The following RNLS variants were observed in gnomAD, a reference collection of about 807,000 sequenced individuals.
RNLS encodes renalase, FAD dependent amine oxidase.
A neutral mutation model predicts 39.8 loss-of-function variants in RNLS; 39 were observed. That is an observed-to-expected ratio of 0.98 (90% CI 0.76 to 1.28). The LOEUF is 1.28. Among genes scored for constraint, RNLS ranks in the 50% most tolerant of loss-of-function variants. The pLI is 0.00. For synonymous variants in RNLS, 147 were observed against 150.7 expected (o/e 0.98, Z 0.18); for missense variants, 410 against 413.3 (o/e 0.99, Z 0.07).
At chr10:88,275,099 TA>T in intron 6 of RNLS, 1 of 1,145,060 alleles carries the variant, frequency 8.7e-7, no homozygotes, top group East Asian at 2.4e-5. Context: ...ACACCTTGTC[TA>T]CACTAATAGT....
At chr10:88,257,159 A>C in the RNLS span, among the ~76,000 whole-genome samples, 2 of 152,074 alleles carry the variant, frequency 1.3e-5, no homozygotes, top group Non-Finnish European at 2.9e-5. Context: ...TCAGTTCTTT[A>C]TTTACTCAAC....
At chr10:88,360,707 G>C (rs973833156) in intron 5 of RNLS, among the ~76,000 whole-genome samples, 11 of 152,030 alleles carry the variant, frequency 7.2e-5, no homozygotes, top group Non-Finnish European at 1.6e-4. Context: ...AGATTTCCTT[G>C]ATTCTTAGAA....
intron 4 of RNLS, among the ~76,000 whole-genome samples, chr10:88,484,774 C>A (rs1052420310): frequency 1.3e-5 from 2 of 151,802 alleles, no homozygotes; most frequent in Non-Finnish European, 2.9e-5. Context: ...ATAGCACACC[C>A]TTAAATTTAT....
chr10:88,522,813 A>G (rs1846839180), intron 4 of RNLS, among the ~76,000 whole-genome samples: 1 of 152,166 alleles, frequency 6.6e-6, no homozygotes, highest in Non-Finnish European at 1.5e-5. Flanking sequence ...GCAAATAACA[A>G]TCTTCAAATA....
At chr10:88,277,554 T>G (rs1011718386) in intron 6 of RNLS, among the ~76,000 whole-genome samples, 4 of 152,216 alleles carry the variant, frequency 2.6e-5, no homozygotes, top group Non-Finnish European at 4.4e-5. Flanking sequence ...TTGCTTTGAT[T>G]ATTTTGGCAT....
intron 4 of RNLS, among the ~76,000 whole-genome samples, chr10:88,565,277 A>G (rs547616360): frequency 5.9e-5 from 9 of 152,300 alleles, no homozygotes; most frequent in African/African-American, 2.2e-4. Flanking sequence ...TTCACACACT[A>G]GATGGCAATA....
Position 88,427,020 on chromosome 10 carries a change from T to A in RNLS, c.527-64295A>T, listed in dbSNP as rs115866068. On this transcript the variant is annotated intron_variant, in intron 4 of 6. Coordinates refer to ENST00000331772, the MANE Select transcript of RNLS (RefSeq NM_001031709.3). ...CTTTTAGTAACTAATAAAAACAGTA[T>A]CTAATATTGATTAAGCATCTATATG... is the stretch of plus-strand genomic sequence containing the variant. Among the ~76,000 whole-genome samples the A allele has an allele frequency of 6.1e-3, 923 of 152,130 alleles. 11 individuals are homozygous for A. Among genetic ancestry groups the A allele is most frequent in the African/African-American group, 0.021 (871 of 41,502 alleles).
chr10:88,353,631 C>T (rs1848910449), intron 5 of RNLS, among the ~76,000 whole-genome samples: 1 of 152,264 alleles, frequency 6.6e-6, no homozygotes, highest in East Asian at 1.9e-4. Flanking sequence ...TTACTTCCAA[C>T]TATGTGGTCA....
chr10:88,196,628 G>GA, the RNLS span, among the ~76,000 whole-genome samples: 2 of 152,126 alleles, frequency 1.3e-5, no homozygotes, highest in Non-Finnish European at 2.9e-5. Flanking sequence ...CCCTCAGCTT[G>GA]AAGCCTAGAG....
At chr10:88,383,932 C>CATTAAGTTAAGTT (rs1851703065) in intron 4 of RNLS, among the ~76,000 whole-genome samples, 1 of 152,040 alleles carries the variant, frequency 6.6e-6, no homozygotes, top group Non-Finnish European at 1.5e-5. Flanking sequence ...CTTTGAACCC[C>CATTAAGTTAAGTT]AATTAAGTGA....
chr10:88,562,249 A>G (rs772896834), intron 4 of RNLS, among the ~76,000 whole-genome samples: 1 of 152,138 alleles, frequency 6.6e-6, no homozygotes, highest in Non-Finnish European at 1.5e-5. Flanking sequence ...TTTTCAAGGC[A>G]TAGCATTTAA....
the RNLS span, among the ~76,000 whole-genome samples, chr10:88,194,208 T>A: frequency 6.6e-6 from 1 of 152,296 alleles, no homozygotes; most frequent in Admixed American, 6.5e-5. Flanking sequence ...AAGGCTTTGT[T>A]GTGGAGGGGT....
the RNLS span, among the ~76,000 whole-genome samples, chr10:88,180,237 A>T: frequency 6.6e-6 from 1 of 152,220 alleles, no homozygotes; most frequent in Admixed American, 6.5e-5. Context: ...TGAAATTTAA[A>T]CCAAACCCAA....
At chr10:88,259,982 C>T in the RNLS span, among the ~76,000 whole-genome samples, 4 of 152,106 alleles carry the variant, frequency 2.6e-5, no homozygotes, top group South Asian at 2.1e-4. Flanking sequence ...CCTCGTGATC[C>T]GCCCGCCTCG....
chr10:88,234,068 C>G, the RNLS span, among the ~76,000 whole-genome samples: 1 of 147,920 alleles, frequency 6.8e-6, no homozygotes, highest in Non-Finnish European at 1.5e-5. Context: ...GGGCGATGGC[C>G]CTGACCCCCC....
At chr10:88,550,548 CT>C (rs1848558438) in intron 4 of RNLS, among the ~76,000 whole-genome samples, 1 of 152,144 alleles carries the variant, frequency 6.6e-6, no homozygotes, top group Non-Finnish European at 1.5e-5. Flanking sequence ...GACAAATAAA[CT>C]AACCATTTTT....
chr10:88,486,517 C>T (rs1024543478), intron 4 of RNLS, among the ~76,000 whole-genome samples: 5 of 150,358 alleles, frequency 3.3e-5, no homozygotes, highest in African/African-American at 1.2e-4. Flanking sequence ...AACAAATTTA[C>T]AAGAAAAAAA....
the RNLS span, among the ~76,000 whole-genome samples, chr10:88,261,872 T>C: frequency 6.1e-4 from 93 of 152,140 alleles, no homozygotes; most frequent in Non-Finnish European, 1.1e-3. Flanking sequence ...CCCAAAGAAC[T>C]GTGTGTTGAG....
Position 88,370,384 on chromosome 10 carries a change from T to C in RNLS, c.527-7659A>G, listed in dbSNP as rs191656963. On this transcript the variant is annotated intron_variant, in intron 4 of 6. Transcript: ENST00000331772. ...TAGTTATTGTTAAATGCTGCTCACATTGATACTTGGTGCTCAAAGCCTTTA... is the reference window on the plus strand; with the variant it reads ...TAGTTATTGTTAAATGCTGCTCACACTGATACTTGGTGCTCAAAGCCTTTA... Among the ~76,000 whole-genome samples, 140 of 152,310 alleles carry C rather than the reference T, an allele frequency of 9.2e-4. 1 individual carries two copies. The highest frequency in any genetic ancestry group is 9.1e-3 in the South Asian group (44 of 4,826).
Sources: allele counts gnomAD v4.1 joint callset (sites outside exome capture counted in the v4.1 genomes callset), GRCh38; gene constraint gnomAD v4.1.1; transcripts MANE v1.5; gene names NCBI Gene and HGNC (gene_info 2026-07-23, HGNC 2026-07-21).